VPS13D: variants seen among roughly 807,000 people sequenced by gnomAD.
VPS13D encodes intermembrane lipid transfer protein VPS13D.
Under a neutral mutation model 461.9 loss-of-function variants are expected in VPS13D, and 187 were observed. The ratio of observed to expected loss-of-function variants is 0.40; its 90% CI spans 0.36 to 0.46. VPS13D has a LOEUF of 0.46. Ranked by LOEUF, VPS13D falls within the 20% of genes least tolerant of loss-of-function variation. The pLI, the probability that VPS13D is intolerant of heterozygous loss-of-function variation, is 0.60. For synonymous variants in VPS13D, 1,951 were observed against 1,986.3 expected (o/e 0.98, Z 0.47); for missense variants, 4,711 against 5,364.9 (o/e 0.88, Z 3.81).
rs148968489 is a variant in VPS13D, at chr1:12,277,849, C to T, written c.4261C>T (p.Arg1421Cys). 23 of 1,614,062 alleles carry T rather than the reference C, an allele frequency of 1.4e-5. No homozygotes were observed. The African/African-American group carries it at 1.6e-4, about 11-fold the overall frequency. The change falls in exon 19 of 70, where the codon CGT becomes TGT. Residue 1421 changes from arginine to cysteine, a missense_variant. By Grantham distance (180) the Arg-to-Cys change is radical. Around this residue, in one of 3 missense-constraint regions of VPS13D, gnomAD observed 4,411 missense variants for 4,937.8 expected, o/e 0.89. Transcript: ENST00000620676. ...VAGDDESRSD[R>C]LQVEIKDIKL... ...GGGAGATGATGAATCCAGAAGTGACCGTCTGCAGGTGGAAATCAAGGACAT... is the reference window on the plus strand; with the variant it reads ...GGGAGATGATGAATCCAGAAGTGACTGTCTGCAGGTGGAAATCAAGGACAT...
intron 22 of VPS13D, 90 bp downstream of exon 22, chr1:12,288,403 G>A: frequency 8.4e-7 from 1 of 1,183,506 alleles, no homozygotes; most frequent in Non-Finnish European, 1.3e-6. Flanking sequence ...CTCACGTGCT[G>A]AGTAAGGTGT....
chr1:12,443,768 C>G (rs1394769911), intron 65 of VPS13D, among the ~76,000 whole-genome samples: 1 of 152,020 alleles, frequency 6.6e-6, no homozygotes, highest in Non-Finnish European at 1.5e-5. Context: ...CTATCCATAC[C>G]TCCATCTGGG....
rs562220221 is a variant in VPS13D, at chr1:12,288,128, C to G, written c.5635-95C>G. 385 of 1,074,628 alleles carry G rather than the reference C, an allele frequency of 3.6e-4. 2 individuals carry two copies. In the South Asian group the frequency reaches 4.2e-3, roughly 12 times the overall value. The allele number at this position is 1,074,628 out of a possible 1,614,324, so 66.6% of individuals were successfully genotyped here. A position where few individuals can be genotyped will look rare whatever the true frequency, so the allele number is the denominator to read the frequency against. ...AAGCATTACCTTCAAGTTTCCCAAG[C>G]CTTTTTGCATTTTCCTTGATTGCTC... On this transcript the variant is annotated intron_variant, in intron 21 of 69. Transcript: ENST00000620676.
intron 27 of VPS13D, among the ~76,000 whole-genome samples, chr1:12,310,431 A>G (rs1218666166): frequency 6.6e-6 from 1 of 152,192 alleles, no homozygotes; most frequent in Admixed American, 6.5e-5. Flanking sequence ...CACAATGCCC[A>G]GTTCACCCAT....
rs777662851 is a variant in VPS13D at position 12,256,486 on chromosome 1, C to A, written c.823C>A (p.Pro275Thr). The A allele has an allele frequency of 4.3e-6, 7 of 1,614,046 alleles. No homozygotes were observed. Among genetic ancestry groups the A allele is most frequent in the Non-Finnish European group, 5.9e-6 (7 of 1,179,972 alleles). Residue 275 changes from proline (P) to threonine (T), a missense_variant, in exon 8 of 70, where the codon CCC (proline) becomes ACC (threonine). Transcript: ENST00000620676. Reference protein sequence around the residue: ...IDCDIQLETIPLKLSQLQYRQ... With the variant: ...IDCDIQLETITLKLSQLQYRQ... ...TTGTGATATTCAGCTGGAGACCATT[C>A]CCTTGAAACTCTCTCAGGTATGCCC... is the stretch of plus-strand genomic sequence containing the variant.
At chr1:12,302,233 A>G (rs1217864246) in intron 25 of VPS13D, among the ~76,000 whole-genome samples, 5 of 152,250 alleles carry the variant, frequency 3.3e-5, no homozygotes, top group African/African-American at 4.8e-5. Context: ...AAATGGCATT[A>G]TGCGGTGCAC....
chr1:12,333,806 C>T (rs767813336), intron 38 of VPS13D, among the ~76,000 whole-genome samples: 1 of 152,172 alleles, frequency 6.6e-6, no homozygotes, highest in Non-Finnish European at 1.5e-5. Context: ...CTGAAAATGA[C>T]TTGCTTAAGG....
chr1:12,318,997 A>G (rs1199916186), intron 31 of VPS13D, among the ~76,000 whole-genome samples: 2 of 152,222 alleles, frequency 1.3e-5, no homozygotes, highest in South Asian at 2.1e-4. Flanking sequence ...TTACTATTAA[A>G]TATATACACA....
At chr1:12,350,432 A>G (rs1643768833) in intron 46 of VPS13D, among the ~76,000 whole-genome samples, 1 of 152,184 alleles carries the variant, frequency 6.6e-6, no homozygotes, top group Admixed American at 6.5e-5. Context: ...CCATGGGTCA[A>G]AAAAGAGAAA....
chr1:12,346,828 A>C (rs772041205), intron 44 of VPS13D, among the ~76,000 whole-genome samples, 176 bp downstream of exon 44: 3 of 152,220 alleles, frequency 2.0e-5, no homozygotes, highest in Admixed American at 2.0e-4. Context: ...TTGCAAGAAA[A>C]TGTTTTCACC....
chr1:12,256,515 C>T lies in VPS13D; in HGVS notation c.840+12C>T. Reference sequence around the variant, plus strand: ...TGAAACTCTCTCAGGTATGCCCTTTCTTCTCAGTGGCATCTACTTACTGTC... The same window carrying T: ...TGAAACTCTCTCAGGTATGCCCTTTTTTCTCAGTGGCATCTACTTACTGTC... On this transcript the variant is annotated intron_variant, in intron 8 of 69. Transcript: ENST00000620676. The T allele has an allele frequency of 6.2e-7, 1 of 1,613,266 alleles. No homozygotes were observed. The highest frequency in any genetic ancestry group is 8.5e-7 in the Non-Finnish European group (1 of 1,179,528).
chr1:12,413,327 A>T (rs922072610), intron 63 of VPS13D, among the ~76,000 whole-genome samples: 1 of 151,952 alleles, frequency 6.6e-6, no homozygotes, highest in Non-Finnish European at 1.5e-5. Flanking sequence ...AAATAAAAAA[A>T]AAAAAAATCA....
rs750670813 is a variant in VPS13D, at chr1:12,349,205, G to C, written c.9262G>C (p.Ala3088Pro). ...TGCTATCATGCCAGGGGATTCGTTT[G>C]CTGTGCCTTTACACCTCACTTCTTG... ...LPAIMPGDSF[A>P]VPLHLTSWRL... Residue 3088 changes from alanine to proline, a missense_variant, in exon 46 of 70, where the codon GCT becomes CCT. Physicochemically the swap from Ala to Pro is conservative, Grantham distance 27 (BLOSUM62 -1). Around this residue, in one of 3 missense-constraint regions of VPS13D, gnomAD observed 4,411 missense variants for 4,937.8 expected, o/e 0.89. Transcript: ENST00000620676. The C allele has an allele frequency of 6.2e-7, 1 of 1,613,996 alleles. No homozygotes were observed. The highest frequency in any genetic ancestry group is 8.5e-7 in the Non-Finnish European group (1 of 1,180,050).
chr1:12,326,844 C>A (rs1418447834), intron 35 of VPS13D, among the ~76,000 whole-genome samples: 2 of 151,976 alleles, frequency 1.3e-5, no homozygotes, highest in African/African-American at 4.8e-5. Flanking sequence ...GGGGTTTCAC[C>A]ATGTTGGTCA....
chr1:12,251,638 T>G (rs971532109), intron 6 of VPS13D, among the ~76,000 whole-genome samples: 1 of 152,202 alleles, frequency 6.6e-6, no homozygotes, highest in Non-Finnish European at 1.5e-5. Context: ...TGGCTCATAC[T>G]TGAGACACTC....
At chr1:12,340,719 C>T (rs1315750204) in intron 40 of VPS13D, among the ~76,000 whole-genome samples, 1 of 152,240 alleles carries the variant, frequency 6.6e-6, no homozygotes. Context: ...GTCTTTCTCA[C>T]GCTGTCTTCC....
chr1:12,260,959 G>A lies in VPS13D; in HGVS notation c.1224G>A (p.Glu408=). 6.2e-7 allele frequency: 1 copy of A among 1,613,888 alleles called. No individual in the cohort carries two copies. Among genetic ancestry groups the A allele is most frequent in the Admixed American group, 1.7e-5 (1 of 60,030 alleles). ...KQEELAESLR[E]PQFDSPGACP... ...TGTGATTGACACAGAGTCTGCGGGA[G>A]CCTCAGTTTGATTCTCCAGGAGCCT... Residue 408 remains glutamate, a synonymous_variant, in exon 12 of 70, where the codon GAG becomes GAA. Coordinates refer to ENST00000620676, the MANE Select transcript of VPS13D (RefSeq NM_015378.4).
chr1:12,309,077 C>T (rs538680349), intron 27 of VPS13D, among the ~76,000 whole-genome samples: 18 of 152,268 alleles, frequency 1.2e-4, no homozygotes, highest in Admixed American at 4.6e-4. Context: ...TATTGAGTCC[C>T]TACTATGTGC....
At chr1:12,355,795 A>C (rs1204218815) in intron 47 of VPS13D, 104 bp from the exon 48 acceptor site, 1 of 1,195,798 alleles carries the variant, frequency 8.4e-7, no homozygotes, top group African/African-American at 1.6e-5. Context: ...GCAGTTAGAT[A>C]CTTAGTTATT....
Sources: allele counts gnomAD v4.1 joint callset (sites outside exome capture counted in the v4.1 genomes callset), GRCh38; gene constraint gnomAD v4.1.1; regional missense constraint gnomAD v4.1.1; transcripts MANE v1.5; gene names NCBI Gene and HGNC (gene_info 2026-07-23, HGNC 2026-07-21).